The following MACROD1 variants were observed in gnomAD, a reference collection of about 807,000 sequenced individuals.
The protein encoded by MACROD1 is ADP-ribose glycohydrolase MACROD1.
A neutral mutation model predicts 41.4 loss-of-function variants in MACROD1; 31 were observed. The observed-to-expected ratio is 0.75, with a 90% CI of 0.56 to 1.01. The LOEUF (loss-of-function observed/expected upper bound fraction) is 1.01. MACROD1 is among the 50% of genes least tolerant of loss of function. The pLI, the probability that MACROD1 is intolerant of heterozygous loss-of-function variation, is 0.00. For missense variants in MACROD1, 473 were observed against 460.0 expected (o/e 1.03, Z -0.26); for synonymous variants, 252 against 203.4 (o/e 1.24, Z -2.03).
At chr11:64,152,967 C>T (rs1264127772) in intron 1 of MACROD1, among the ~76,000 whole-genome samples, 3 of 152,164 alleles carry the variant, frequency 2.0e-5, no homozygotes, top group South Asian at 2.1e-4. Flanking sequence ...CCCAGCATGA[C>T]CAATGGGGTT....
intron 3 of MACROD1, chr11:64,060,320 T>G (rs1943875922): frequency 6.6e-6 from 1 of 152,184 alleles, no homozygotes; most frequent in South Asian, 2.1e-4. Context: ...GGGCCTCAGT[T>G]TCCTCATCTG....
At chr11:64,143,802 A>ACACACACACACACACACACAC (rs1590963930) in intron 3 of MACROD1, among the ~76,000 whole-genome samples, 2 of 131,268 alleles carry the variant, frequency 1.5e-5, no homozygotes, top group Admixed American at 7.6e-5. Flanking sequence ...ACACACACAC[A>ACACACACACACACACACACAC]ATTTCCTGGG....
chr11:64,117,213 G>A lies in MACROD1; in HGVS notation c.517+34026C>T, dbSNP rs769501659. On this transcript the variant is annotated intron_variant, in intron 3 of 10. Coordinates refer to ENST00000255681, the MANE Select transcript of MACROD1 (RefSeq NM_014067.4). Reference sequence around the variant, plus strand: ...CACGCTGCCCCGCGGCCTGTTCGACGACCTGGGGAACCTGGCCCAGCTGCT... The same window carrying A: ...CACGCTGCCCCGCGGCCTGTTCGACAACCTGGGGAACCTGGCCCAGCTGCT... The A allele has an allele frequency of 1.5e-5, 24 of 1,614,012 alleles. No individual in the cohort carries two copies. In the East Asian group the frequency reaches 2.0e-4, roughly 13 times the overall value.
rs1480416228 is a variant in MACROD1, at chr11:64,065,767, G to A, written c.518-50486C>T. On this transcript the variant is annotated intron_variant, in intron 3 of 10. Coordinates refer to ENST00000255681, the MANE Select transcript of MACROD1 (RefSeq NM_014067.4). ...ATGGCGCCACTGCACTCCAGCCTGG[G>A]CGACAGAGCACGACTCCGCCTCAAA... Among the ~76,000 whole-genome samples, 3 of 148,164 alleles carry A rather than the reference G, an allele frequency of 2.0e-5. No homozygotes were observed. In the East Asian group the frequency reaches 5.9e-4, roughly 29 times the overall value.
At chr11:64,158,192 A>G (rs1293117600) in intron 1 of MACROD1, among the ~76,000 whole-genome samples, 1 of 152,142 alleles carries the variant, frequency 6.6e-6, no homozygotes, top group Non-Finnish European at 1.5e-5. Flanking sequence ...GGAGCGTAGC[A>G]GCCCCACCTT....
chr11:64,058,330 C>A (rs1943830376), intron 3 of MACROD1, among the ~76,000 whole-genome samples: 1 of 152,258 alleles, frequency 6.6e-6, no homozygotes, highest in Non-Finnish European at 1.5e-5. Flanking sequence ...AGCCCCCATC[C>A]GAAGGCTGAC....
chr11:64,001,477 T>C, intron 4 of MACROD1: 1 of 702,368 alleles, frequency 1.4e-6, no homozygotes, highest in Non-Finnish European at 2.6e-6. Flanking sequence ...AAGGCCACCT[T>C]CTCCTTCATC....
intron 3 of MACROD1, among the ~76,000 whole-genome samples, chr11:64,094,800 T>C (rs559973523): frequency 6.6e-6 from 1 of 152,374 alleles, no homozygotes; most frequent in Middle Eastern, 3.4e-3. Context: ...CATCCTTGGC[T>C]GTGCCTGGGG....
chr11:64,146,259 C>G lies in MACROD1; in HGVS notation c.517+4980G>C, dbSNP rs1284611133. ...AACACCCTGGCAGCCACAGCACCCC[C>G]TAGTGGATACCCTGAGACCGGCGCT... On this transcript the variant is annotated intron_variant, in intron 3 of 10. Coordinates refer to ENST00000255681, the MANE Select transcript of MACROD1 (RefSeq NM_014067.4). The surrounding 1 kb of genome is among the most constrained non-coding windows in gnomAD (Gnocchi z 4.7). 6.6e-6 allele frequency among the ~76,000 whole-genome samples: 1 copy of G among 152,160 alleles called. No individual in the cohort carries two copies. The highest frequency in any genetic ancestry group is 1.5e-5 in the Non-Finnish European group (1 of 68,018).
intron 3 of MACROD1, among the ~76,000 whole-genome samples, chr11:64,042,114 C>T (rs1296979410): frequency 5.3e-5 from 8 of 152,130 alleles, no homozygotes; most frequent in Non-Finnish European, 7.4e-5. Flanking sequence ...TGGGACCAGG[C>T]GGGAGGGGGA....
chr11:64,160,223 A>G (rs11603192), intron 1 of MACROD1, among the ~76,000 whole-genome samples: 45,235 of 152,066 alleles, frequency 0.3, 7,319 homozygotes, highest in Admixed American at 0.38. Flanking sequence ...AGCCCTGGAT[A>G]AGATCGCATG....
intron 1 of MACROD1, among the ~76,000 whole-genome samples, chr11:64,165,333 G>A (rs1184084199): frequency 1.3e-5 from 2 of 152,244 alleles, no homozygotes; most frequent in African/African-American, 2.4e-5. Flanking sequence ...CCTTGGGGAA[G>A]CCAGCTGTGG....
chr11:64,008,451 T>C (rs1942951038), intron 4 of MACROD1, among the ~76,000 whole-genome samples: 1 of 110,684 alleles, frequency 9.0e-6, no homozygotes, highest in Non-Finnish European at 2.0e-5. Context: ...GTTGTCCACC[T>C]GGCAGACCTT....
chr11:64,001,158 G>T, intron 4 of MACROD1: 1 of 487,138 alleles, frequency 2.1e-6, no homozygotes, highest in Non-Finnish European at 3.7e-6. Context: ...CGCTCCAGCA[G>T]CCCAACCTCG....
intron 3 of MACROD1, among the ~76,000 whole-genome samples, chr11:64,102,272 G>A (rs1028023030): frequency 6.6e-6 from 1 of 152,210 alleles, no homozygotes; most frequent in African/African-American, 2.4e-5. Flanking sequence ...AGGTGCTGGG[G>A]AGGGCTCGGG....
intron 3 of MACROD1, among the ~76,000 whole-genome samples, chr11:64,131,269 G>C (rs748328284): frequency 4.0e-4 from 61 of 152,202 alleles, no homozygotes; most frequent in Non-Finnish European, 7.2e-4. Context: ...GAGTGACGGG[G>C]AGGGCAGGCT....
intron 3 of MACROD1, among the ~76,000 whole-genome samples, chr11:64,089,764 T>TG (rs1183524506): frequency 6.6e-6 from 1 of 151,990 alleles, no homozygotes; most frequent in African/African-American, 2.4e-5. Context: ...GCCAGTCCCG[T>TG]GGGGGCAGGG....
intron 3 of MACROD1, among the ~76,000 whole-genome samples, chr11:64,141,018 C>T (rs975815751): frequency 6.6e-6 from 1 of 152,148 alleles, no homozygotes; most frequent in Non-Finnish European, 1.5e-5. Flanking sequence ...GCCTGTGGTC[C>T]CAGCAACTCG....
chr11:64,163,875 C>A (rs749728358), intron 1 of MACROD1, among the ~76,000 whole-genome samples: 6 of 152,212 alleles, frequency 3.9e-5, no homozygotes, highest in Admixed American at 1.3e-4. Context: ...CTAACTGTGG[C>A]TTCAGTAGCA....
Sources: gnomAD v4.1 joint callset for allele counts (sites outside exome capture counted in the v4.1 genomes callset) on GRCh38, gnomAD v4.1.1 for gene constraint, Gnocchi (gnomAD v3.1) non-coding constraint, MANE v1.5 for transcripts, NCBI Gene and HGNC (gene_info 2026-07-23, HGNC 2026-07-21) for gene names.